The following CAMKMT variants were observed in gnomAD, a reference collection of about 807,000 sequenced individuals.
The protein encoded by CAMKMT is CaM KMT.
A neutral mutation model predicts 48.0 loss-of-function variants in CAMKMT; 53 were observed. The ratio of observed to expected loss-of-function variants is 1.10; its 90% CI spans 0.89 to 1.39. CAMKMT has a LOEUF of 1.39. Among genes scored for constraint, CAMKMT ranks in the 40% most tolerant of loss-of-function variants. The pLI, the probability that CAMKMT is intolerant of heterozygous loss-of-function variation, is 0.00. For synonymous variants in CAMKMT, 165 were observed against 152.3 expected, an observed-to-expected ratio of 1.08 and a Z score of -0.61; for missense variants, 428 against 402.7, an observed-to-expected ratio of 1.06 and a Z score of -0.54.
chr2:44,376,274 C>G (rs1309255703), intron 2 of CAMKMT, among the ~76,000 whole-genome samples: 1 of 151,956 alleles, frequency 6.6e-6, no homozygotes, highest in African/African-American at 2.4e-5. Flanking sequence ...ATTAGCTGGA[C>G]ATGGTGGTTC....
At chr2:44,445,291 G>T (rs1300930400) in intron 3 of CAMKMT, among the ~76,000 whole-genome samples, 1 of 152,026 alleles carries the variant, frequency 6.6e-6, no homozygotes, top group Non-Finnish European at 1.5e-5. Flanking sequence ...ATGCAAGGAT[G>T]GAAGAGGGAA....
At chr2:44,482,174 C>T (rs773414891) in intron 3 of CAMKMT, among the ~76,000 whole-genome samples, 5 of 151,898 alleles carry the variant, frequency 3.3e-5, no homozygotes, top group Admixed American at 6.6e-5. Flanking sequence ...GACTGATATG[C>T]CTGAATTTGA....
intron 3 of CAMKMT, among the ~76,000 whole-genome samples, chr2:44,591,422 T>C (rs964896041): frequency 3.9e-5 from 6 of 152,006 alleles, no homozygotes; most frequent in Non-Finnish European, 8.8e-5. Flanking sequence ...TATCCTCTTT[T>C]ATTTCATTGA....
intron 6 of CAMKMT, among the ~76,000 whole-genome samples, chr2:44,710,477 C>T (rs1383694846): frequency 1.3e-5 from 2 of 152,068 alleles, no homozygotes; most frequent in African/African-American, 2.4e-5. Flanking sequence ...AACTCAAAGC[C>T]CCCACACCTG....
At chr2:44,522,815 G>C (rs1366635043) in intron 3 of CAMKMT, among the ~76,000 whole-genome samples, 1 of 152,134 alleles carries the variant, frequency 6.6e-6, no homozygotes, top group Non-Finnish European at 1.5e-5. Context: ...TCATTCTTCA[G>C]TTCATCTTTC....
chr2:44,622,694 A>G (rs1440580517), intron 3 of CAMKMT, among the ~76,000 whole-genome samples: 1 of 152,234 alleles, frequency 6.6e-6, no homozygotes, highest in East Asian at 1.9e-4. Flanking sequence ...GTTGCATAGT[A>G]TTCCGTGGTA....
chr2:44,542,578 A>C (rs970000954), intron 3 of CAMKMT, among the ~76,000 whole-genome samples: 1 of 151,924 alleles, frequency 6.6e-6, no homozygotes, highest in Non-Finnish European at 1.5e-5. Flanking sequence ...ATATATGTAT[A>C]TATTTCTATA....
At chr2:44,471,250 CA>C (rs1253104606) in intron 3 of CAMKMT, among the ~76,000 whole-genome samples, 2 of 152,094 alleles carry the variant, frequency 1.3e-5, no homozygotes, top group Non-Finnish European at 2.9e-5. Context: ...CTTGGCCTCC[CA>C]AAGTGCTGGC....
chr2:44,465,385 G>T (rs1355523523), intron 3 of CAMKMT, among the ~76,000 whole-genome samples: 1 of 152,106 alleles, frequency 6.6e-6, no homozygotes, highest in African/African-American at 2.4e-5. Context: ...ATCGCTTGAG[G>T]TTAGGAGTTC....
chr2:44,458,925 G>T (rs1248536757), intron 3 of CAMKMT, among the ~76,000 whole-genome samples: 1 of 152,096 alleles, frequency 6.6e-6, no homozygotes, highest in Non-Finnish European at 1.5e-5. Flanking sequence ...CTCTCAGATT[G>T]GGTTTTAACT....
At chr2:44,485,433 A>G (rs1209398244) in intron 3 of CAMKMT, among the ~76,000 whole-genome samples, 3 of 152,260 alleles carry the variant, frequency 2.0e-5, no homozygotes, top group Non-Finnish European at 4.4e-5. Flanking sequence ...TGAGCAAAAG[A>G]TGACAGACTC....
At chr2:44,742,777 CA>C (rs1679750467) in intron 7 of CAMKMT, among the ~76,000 whole-genome samples, 1 of 151,992 alleles carries the variant, frequency 6.6e-6, no homozygotes, top group South Asian at 2.1e-4. Flanking sequence ...ATGAATCCAC[CA>C]AAATAAGCAA....
chr2:44,504,012 C>T (rs1246927864), intron 3 of CAMKMT, among the ~76,000 whole-genome samples: 3 of 61,178 alleles, frequency 4.9e-5, no homozygotes, highest in Non-Finnish European at 6.8e-5. Flanking sequence ...AGAGAGAAAA[C>T]GAAACGGGAA....
chr2:44,608,752 C>G (rs1040043820), intron 3 of CAMKMT, among the ~76,000 whole-genome samples: 1 of 152,020 alleles, frequency 6.6e-6, no homozygotes, highest in African/African-American at 2.4e-5. Context: ...CTTAGGTTTC[C>G]TCCTCCTCCC....
chr2:44,510,469 T>C (rs888145735), intron 3 of CAMKMT, among the ~76,000 whole-genome samples: 10 of 152,194 alleles, frequency 6.6e-5, no homozygotes, highest in Non-Finnish European at 2.9e-5. Context: ...ATGTTCACCT[T>C]GATCACTTGG....
chr2:44,760,970 C>G (rs912884508), intron 9 of CAMKMT, among the ~76,000 whole-genome samples: 3 of 152,096 alleles, frequency 2.0e-5, no homozygotes, highest in Non-Finnish European at 4.4e-5. Flanking sequence ...TGTGCCAGGC[C>G]CCGGGGATAG....
At chr2:44,516,962 A>C (rs1670861957) in intron 3 of CAMKMT, among the ~76,000 whole-genome samples, 1 of 152,058 alleles carries the variant, frequency 6.6e-6, no homozygotes, top group Admixed American at 6.6e-5. Context: ...GGCTGGATTC[A>C]AACTCCTGAC....
intron 8 of CAMKMT, 150 bp from the exon 9 acceptor site, chr2:44,753,905 C>T (rs1680261125): frequency 1.6e-6 from 1 of 635,900 alleles, no homozygotes; most frequent in Non-Finnish European, 2.8e-6. Context: ...CCCTCCCACC[C>T]CCTCCAGTGA....
At chr2:44,604,153 A>T (rs1671152528) in intron 3 of CAMKMT, among the ~76,000 whole-genome samples, 1 of 152,220 alleles carries the variant, frequency 6.6e-6, no homozygotes, top group African/African-American at 2.4e-5. Context: ...GGGCCTTGAT[A>T]TGGCCCTTGA....
Sources: gnomAD v4.1 joint callset for allele counts (sites outside exome capture counted in the v4.1 genomes callset) on GRCh38, gnomAD v4.1.1 for gene constraint, MANE v1.5 for transcripts, NCBI Gene and HGNC (gene_info 2026-07-23, HGNC 2026-07-21) for gene names.